Variants in FAM222B observed in about 807,000 individuals in gnomAD.
FAM222B encodes family with sequence similarity 222 member B.
FAM222B carries 12 observed loss-of-function variants against 38.0 expected under a neutral mutation model. The observed-to-expected ratio is 0.32, with a 90% confidence interval of 0.20 to 0.51. The LOEUF is 0.51. FAM222B is among the 20% of genes least tolerant of loss of function. The pLI, the probability that FAM222B is intolerant of heterozygous loss-of-function variation, is 0.97. For missense variants in FAM222B, 716 were observed against 754.2 expected, an observed-to-expected ratio of 0.95 and a Z score of 0.59; for synonymous variants, 329 against 317.2, an observed-to-expected ratio of 1.04 and a Z score of -0.40.
intron 1 of FAM222B, among the ~76,000 whole-genome samples, chr17:28,820,207 T>C (rs1447179848): frequency 6.6e-6 from 1 of 152,228 alleles, no homozygotes; most frequent in African/African-American, 2.4e-5. Context: ...TTTTGGCTTT[T>C]AGACAACATC....
At chr17:28,790,884 C>CAATTTTTTTTTTTTTTTTTTT (rs71135852) in intron 1 of FAM222B, among the ~76,000 whole-genome samples, 3 of 86,062 alleles carry the variant, frequency 3.5e-5, no homozygotes, top group African/African-American at 1.4e-4. Context: ...AATTGTTTCA[C>CAATTTTTTTTTTTTTTTTTTT]TTTTTTTTTT....
chr17:28,787,880 A>G (rs1281625124), intron 1 of FAM222B, among the ~76,000 whole-genome samples: 1 of 139,872 alleles, frequency 7.1e-6, no homozygotes, highest in Non-Finnish European at 1.5e-5. Flanking sequence ...GCTGGAGTGC[A>G]ATGGCACGAT....
chr17:28,769,960 C>T (rs1311388563), intron 1 of FAM222B, among the ~76,000 whole-genome samples: 1 of 152,158 alleles, frequency 6.6e-6, no homozygotes, highest in Non-Finnish European at 1.5e-5. Context: ...GCTTCTTTGA[C>T]CTCCATGTCT....
chr17:28,832,092 A>C (rs2038687478), intron 1 of FAM222B, among the ~76,000 whole-genome samples: 1 of 152,194 alleles, frequency 6.6e-6, no homozygotes, highest in African/African-American at 2.4e-5. Flanking sequence ...CAGGAGGCTG[A>C]GGCAGAAGAA....
At chr17:28,766,473 A>AT in intron 2 of FAM222B, 113 bp downstream of exon 2, 1 of 784,678 alleles carries the variant, frequency 1.3e-6, no homozygotes, top group Non-Finnish European at 2.0e-6. Flanking sequence ...AAAAAAAAAA[A>AT]GAAAGGTGTC....
chr17:28,844,010 C>G (rs1313988533), upstream of FAM222B, among the ~76,000 whole-genome samples: 1 of 152,164 alleles, frequency 6.6e-6, no homozygotes, highest in Non-Finnish European at 1.5e-5. Flanking sequence ...AAATAGTCCC[C>G]TGCTTTCCAG....
intron 1 of FAM222B, among the ~76,000 whole-genome samples, chr17:28,815,449 C>T (rs2037984803): frequency 3.3e-5 from 5 of 151,484 alleles, no homozygotes; most frequent in East Asian, 2.0e-4. Context: ...CTCTTGACCT[C>T]GTAATCCGCC....
intron 1 of FAM222B, among the ~76,000 whole-genome samples, chr17:28,789,363 A>G (rs185271130): frequency 6.6e-6 from 1 of 151,130 alleles, no homozygotes. Context: ...ATGCACAGCT[A>G]ATTTTTTGTA....
chr17:28,822,960 A>G (rs1394859207), intron 1 of FAM222B, among the ~76,000 whole-genome samples: 2 of 143,698 alleles, frequency 1.4e-5, no homozygotes, highest in Admixed American at 7.1e-5. Context: ...CAGGAGGCTG[A>G]GGCAGGAGAA....
chr17:28,799,828 G>GA (rs1454752609), intron 1 of FAM222B, among the ~76,000 whole-genome samples: 1 of 152,022 alleles, frequency 6.6e-6, no homozygotes, highest in East Asian at 1.9e-4. Context: ...GGCTGGTCTT[G>GA]AACTCCTAGG....
chr17:28,790,653 A>G (rs1197855376), intron 1 of FAM222B, among the ~76,000 whole-genome samples: 2 of 152,140 alleles, frequency 1.3e-5, no homozygotes, highest in Non-Finnish European at 2.9e-5. Flanking sequence ...TATAATAACA[A>G]GCAACATTTG....
upstream of FAM222B, among the ~76,000 whole-genome samples, chr17:28,845,231 C>T (rs984940667): frequency 2.0e-5 from 3 of 151,456 alleles, no homozygotes; most frequent in African/African-American, 4.9e-5. Context: ...GAAACCTCAT[C>T]TCTACTAAAA....
rs181602278 is a variant in FAM222B, at chr17:28,806,936, A to G, written c.-41+35746T>C. ...TAATCACAGGCCATTAGTTTTCCCTACTTCAGAGAAATGCTGAGACCGATG... is the reference window on the plus strand; with the variant it reads ...TAATCACAGGCCATTAGTTTTCCCTGCTTCAGAGAAATGCTGAGACCGATG... On this transcript the variant is annotated intron_variant, in intron 1 of 2. Transcript: ENST00000581407. 2.8e-3 allele frequency among the ~76,000 whole-genome samples: 430 copies of G among 152,300 alleles called. 1 individual carries two copies. Among genetic ancestry groups the G allele is most frequent in the South Asian group, 0.021 (100 of 4,828 alleles).
intron 1 of FAM222B, among the ~76,000 whole-genome samples, chr17:28,778,060 A>C (rs1182310900): frequency 6.7e-6 from 1 of 150,228 alleles, no homozygotes; most frequent in Non-Finnish European, 1.5e-5. Flanking sequence ...ACTGTATTGA[A>C]AAGTATTATT....
At chr17:28,849,214 T>C (rs1159536479) in intron 1 of FAM222B, 2 of 149,874 alleles carry the variant, frequency 1.3e-5, no homozygotes, top group Non-Finnish European at 3.0e-5. Context: ...TGAGCCGAGA[T>C]TGCGCCACTG....
At chr17:28,805,950 T>A (rs912562200) in intron 1 of FAM222B, among the ~76,000 whole-genome samples, 2 of 152,118 alleles carry the variant, frequency 1.3e-5, no homozygotes, top group African/African-American at 4.8e-5. Context: ...GAGACCAGCC[T>A]GACCAACATG....
At chr17:28,780,395 A>C (rs1319206221) in intron 1 of FAM222B, among the ~76,000 whole-genome samples, 1 of 152,222 alleles carries the variant, frequency 6.6e-6, no homozygotes, top group Admixed American at 6.5e-5. Context: ...AAACTATTAG[A>C]ACTAATGAAC....
chr17:28,784,166 G>A (rs2036288323), intron 1 of FAM222B, among the ~76,000 whole-genome samples: 1 of 151,844 alleles, frequency 6.6e-6, no homozygotes, highest in African/African-American at 2.4e-5. Context: ...CTGATACACA[G>A]TAAACATTAT....
At chr17:28,827,068 GCC>G (rs2038467159) in intron 1 of FAM222B, among the ~76,000 whole-genome samples, 1 of 151,950 alleles carries the variant, frequency 6.6e-6, no homozygotes, top group Admixed American at 6.6e-5. Flanking sequence ...GATCATTTAG[GCC>G]CAGGAGTTTG....
Sources: allele counts gnomAD v4.1 joint callset (sites outside exome capture counted in the v4.1 genomes callset), GRCh38; gene constraint gnomAD v4.1.1; transcripts MANE v1.5; gene names NCBI Gene and HGNC (gene_info 2026-07-23, HGNC 2026-07-21).